OR2T11: variants seen among roughly 807,000 people sequenced by gnomAD.
OR2T11 encodes olfactory receptor family 2 subfamily T member 11.
In OR2T11, 14 loss-of-function variants were observed where a neutral mutation model predicts 13.5. The observed-to-expected ratio is 1.04, with a 90% confidence interval of 0.69 to 1.62. OR2T11 has a LOEUF of 1.62. Ranked by LOEUF, OR2T11 falls within the 40% of genes most tolerant of loss-of-function variation. OR2T11 has a pLI of 0.00. For missense variants in OR2T11, 410 were observed against 389.7 expected, an observed-to-expected ratio of 1.05 and a Z score of -0.44; for synonymous variants, 163 against 154.6, an observed-to-expected ratio of 1.05 and a Z score of -0.40.
In OR2T11 at chr1:248,626,615, T is replaced by G; in HGVS notation, c.514A>C (p.Asn172His). The G allele has an allele frequency of 6.4e-7, 1 of 1,573,208 alleles. No individual in the cohort carries two copies. Among genetic ancestry groups the G allele is most frequent in the Admixed American group, 1.7e-5 (1 of 58,400 alleles). ...GCTGGGATCTCACAGAAAAAATGGT[T>G]GATACTTCGGGAGCCACAGTAAGGG... ...NVPYCGSRSI[N>H]HFFCEIPAVL... The change falls in exon 2 of 2, where the codon AAC becomes CAC. Residue 172 changes from asparagine (N) to histidine (H), a missense_variant. Transcript: ENST00000641193.
At chr1:248,627,396 T>TA (rs1428922770) in intron 1 of OR2T11, 124 bp from the exon 2 acceptor site, 5 of 449,292 alleles carry the variant, frequency 1.1e-5, no homozygotes, top group Non-Finnish European at 2.0e-5. Flanking sequence ...GAGGTTATGG[T>TA]AACTGCGTGA....
In OR2T11 at chr1:248,626,023, C is replaced by CT; in HGVS notation, c.*154dup. On this transcript the variant is annotated 3_prime_UTR_variant, in exon 2 of 2. Transcript: ENST00000641193. ...AGATCTCTGCATAACAGTAAAACAT[C>CT]TTTCCCTTGCTCCCGAGGAGCAAGA... is the stretch of plus-strand genomic sequence containing the variant. 3 of 539,598 alleles carry CT rather than the reference C, an allele frequency of 5.6e-6. 1 individual carries two copies. The highest frequency in any genetic ancestry group is 9.9e-6 in the Non-Finnish European group (3 of 303,242). 33.4% of individuals were successfully genotyped at this position (539,598 alleles called of 1,614,324 possible). A position where few individuals can be genotyped will look rare whatever the true frequency, so the allele number is the denominator to read the frequency against.
At position 248,626,089 on chromosome 1, in the gene OR2T11, G is replaced by A. The variant is rs927688700; in HGVS notation, c.*89C>T. On this transcript the variant is annotated 3_prime_UTR_variant, in exon 2 of 2. Transcript: ENST00000641193. ...ATCATCTTAACTGCCAGTAGTAAGTGTAGGTTGATAGCTGAGCAGATCATC... is the reference window on the plus strand; with the variant it reads ...ATCATCTTAACTGCCAGTAGTAAGTATAGGTTGATAGCTGAGCAGATCATC... 1.8e-5 allele frequency: 13 copies of A among 730,076 alleles called. 3 individuals are homozygous for A. In the African/African-American group the frequency reaches 2.6e-4, roughly 14 times the overall value. 45.2% of individuals were successfully genotyped at this position (730,076 alleles called of 1,614,324 possible).
In OR2T11 at chr1:248,624,290, C is replaced by T. The variant is rs1295797980; in HGVS notation, c.*1888G>A. ...TTGGTATCACGTTTTTCTAGTTATA[C>T]TCCATTTCCTTTACAAAAAAATCTA... On this transcript the variant is annotated 3_prime_UTR_variant, in exon 2 of 2. Transcript: ENST00000641193. The T allele has an allele frequency of 7.0e-6, 1 of 143,092 alleles. No homozygotes were observed. The highest frequency in any genetic ancestry group is 2.8e-5 in the African/African-American group (1 of 36,282). The allele number at this position is 143,092 out of a possible 1,614,324, so 8.9% of individuals were successfully genotyped here.
chr1:248,630,929 AGAG>A (rs1257213350), intron 1 of OR2T11, among the ~76,000 whole-genome samples: 1 of 142,966 alleles, frequency 7.0e-6, no homozygotes, highest in African/African-American at 2.8e-5. Flanking sequence ...TACATGGGAG[AGAG>A]GAGGAAGGAG....
At chr1:248,633,519 A>C (rs1336628991) in intron 1 of OR2T11, among the ~76,000 whole-genome samples, 1 of 141,256 alleles carries the variant, frequency 7.1e-6, no homozygotes, top group Non-Finnish European at 1.5e-5. Context: ...GGCCAAAATT[A>C]TATTATCCTT....
Position 248,626,179 on chromosome 1 carries a change from TA to T in OR2T11, c.949del (p.Ter317ArgfsTer8). On this transcript the variant is annotated frameshift_variant and stop_lost, in exon 2 of 2. Transcript: ENST00000641193. LOFTEE classifies it high-confidence loss of function. ...SAQKVATSDA[*>X] ...CCTTATCCTCTGGGCAGTGACTCTC[TA>T]AGCATCACTTGTTGCTACTTTCTGA... 1 of 1,460,050 alleles carries T rather than the reference TA, an allele frequency of 6.8e-7. No individual in the cohort carries two copies. Among genetic ancestry groups the T allele is most frequent in the African/African-American group, 1.6e-5 (1 of 64,036 alleles). The allele number at this position is 1,460,050 out of a possible 1,614,324, so 90.4% of individuals were successfully genotyped here.
intron 1 of OR2T11, among the ~76,000 whole-genome samples, chr1:248,632,695 CTT>C (rs1467953648): frequency 7.7e-5 from 4 of 52,262 alleles, no homozygotes; most frequent in Admixed American, 2.6e-4. Context: ...ATCCCTCCCT[CTT>C]AATACATGTC....
chr1:248,626,498 TGATA>T lies in OR2T11; in HGVS notation c.627_630del (p.Ile210SerfsTer10), dbSNP rs1271086834. On this transcript the variant is annotated frameshift_variant, in exon 2 of 2. Coordinates refer to ENST00000641193, the MANE Select transcript of OR2T11 (RefSeq NM_001001964.2). LOFTEE classifies it high-confidence loss of function. ...AAGATGAGGGAGTAGGAAGTGGAGATGATAGAGATGGGGATGAGCAACATGAGGA... is the reference window on the plus strand; with the variant it reads ...AAGATGAGGGAGTAGGAAGTGGAGATGAGATGGGGATGAGCAACATGAGGA... The T allele has an allele frequency of 1.3e-6, 2 of 1,571,142 alleles. 1 individual carries two copies. Among genetic ancestry groups the T allele is most frequent in the African/African-American group, 3.0e-5 (2 of 66,514 alleles).
intron 1 of OR2T11, among the ~76,000 whole-genome samples, chr1:248,627,493 C>CA (rs1660542213): frequency 7.0e-6 from 1 of 142,706 alleles, no homozygotes; most frequent in Non-Finnish European, 1.5e-5. Context: ...GAAAGTTATC[C>CA]AGCCCATAGT....
Position 248,631,752 on chromosome 1 carries a change from T to TA in OR2T11, c.-145+3285dup, listed in dbSNP as rs370009286. On this transcript the variant is annotated intron_variant, in intron 1 of 1. Coordinates refer to ENST00000641193, the MANE Select transcript of OR2T11 (RefSeq NM_001001964.2). ...GTGTCTGGCTTTATACTGAGGTACA[T>TA]AAAAAAAATCTCATCAAATGTACCC... Among the ~76,000 whole-genome samples the TA allele has an allele frequency of 3.0e-4, 43 of 142,612 alleles. 6 individuals are homozygous for TA. Among genetic ancestry groups the TA allele is most frequent in the East Asian group, 8.1e-4 (4 of 4,958 alleles). 93.6% of individuals were successfully genotyped at this position (142,612 alleles called of 152,430 possible).
At chr1:248,629,221 A>T (rs1660569080) in intron 1 of OR2T11, among the ~76,000 whole-genome samples, 1 of 141,990 alleles carries the variant, frequency 7.0e-6, no homozygotes, top group South Asian at 2.2e-4. Flanking sequence ...AGCCTGGGTA[A>T]CAGAGCTCGT....
chr1:248,629,586 G>T (rs1217924081), intron 1 of OR2T11, among the ~76,000 whole-genome samples: 1 of 138,708 alleles, frequency 7.2e-6, no homozygotes, highest in African/African-American at 2.9e-5. Context: ...AACCATCAAA[G>T]TCACATCGGG....
At chr1:248,632,323 G>A (rs925483491) in intron 1 of OR2T11, among the ~76,000 whole-genome samples, 1 of 141,230 alleles carries the variant, frequency 7.1e-6, no homozygotes, top group Non-Finnish European at 1.5e-5. Flanking sequence ...TATTTTCCTA[G>A]GTACTGAAGA....
At position 248,626,174 on chromosome 1, in the gene OR2T11, CTCT is replaced by C; in HGVS notation, c.*1_*3del. ...GGAAGCCTTATCCTCTGGGCAGTGA[CTCT>C]CTAAGCATCACTTGTTGCTACTTTC... On this transcript the variant is annotated 3_prime_UTR_variant, in exon 2 of 2. Coordinates refer to ENST00000641193, the MANE Select transcript of OR2T11 (RefSeq NM_001001964.2). 7.0e-7 allele frequency: 1 copy of C among 1,429,412 alleles called. No individual in the cohort carries two copies. Among genetic ancestry groups the C allele is most frequent in the Non-Finnish European group, 9.7e-7 (1 of 1,029,346 alleles). The allele number at this position is 1,429,412 out of a possible 1,614,324, so 88.5% of individuals were successfully genotyped here.
chr1:248,634,575 G>A (rs1210527980), intron 1 of OR2T11, among the ~76,000 whole-genome samples: 3 of 140,540 alleles, frequency 2.1e-5, no homozygotes, highest in Admixed American at 7.0e-5. Context: ...TATCATTTGT[G>A]TGTGAATCAG....
chr1:248,626,074 C>T lies in OR2T11; in HGVS notation c.*104G>A. 1.5e-6 allele frequency: 1 copy of T among 655,608 alleles called. No individual in the cohort carries two copies. The highest frequency in any genetic ancestry group is 2.7e-5 in the East Asian group (1 of 37,048). The allele number at this position is 655,608 out of a possible 1,614,324, so 40.6% of individuals were successfully genotyped here. On this transcript the variant is annotated 3_prime_UTR_variant, in exon 2 of 2. Coordinates refer to ENST00000641193, the MANE Select transcript of OR2T11 (RefSeq NM_001001964.2). ...ATCCAGACAGGGTGAATCATCTTAA[C>T]TGCCAGTAGTAAGTGTAGGTTGATA...
rs1304986707 is a variant in OR2T11 at position 248,626,108 on chromosome 1, GATC to G, written c.*67_*69del. ...GTAAGTGTAGGTTGATAGCTGAGCA[GATC>G]ATCTCCAGGGAAACAGGGCAAATGG... On this transcript the variant is annotated 3_prime_UTR_variant, in exon 2 of 2. Transcript: ENST00000641193. The G allele has an allele frequency of 1.5e-5, 13 of 849,636 alleles. 1 individual carries two copies. Among genetic ancestry groups the G allele is most frequent in the Non-Finnish European group, 1.9e-5 (10 of 521,966 alleles). The allele number at this position is 849,636 out of a possible 1,614,324, so 52.6% of individuals were successfully genotyped here. A position where few individuals can be genotyped will look rare whatever the true frequency, so the allele number is the denominator to read the frequency against.
At position 248,629,478 on chromosome 1, in the gene OR2T11, G is replaced by A. The variant is rs76657904; in HGVS notation, c.-144-2206C>T. On this transcript the variant is annotated intron_variant, in intron 1 of 1. Transcript: ENST00000641193. ...CATGTCCATAGCTAGTAGGTGCCTGGCTTAATCCATCATGACACATTTTAC... is the reference window on the plus strand; with the variant it reads ...CATGTCCATAGCTAGTAGGTGCCTGACTTAATCCATCATGACACATTTTAC... 2.6e-3 allele frequency among the ~76,000 whole-genome samples: 363 copies of A among 141,074 alleles called. 30 individuals are homozygous for A. Among genetic ancestry groups the A allele is most frequent in the Middle Eastern group, 6.8e-3 (2 of 292 alleles). 92.6% of individuals were successfully genotyped at this position (141,074 alleles called of 152,430 possible). A position where few individuals can be genotyped will look rare whatever the true frequency, so the allele number is the denominator to read the frequency against.
Sources: allele counts gnomAD v4.1 joint callset (sites outside exome capture counted in the v4.1 genomes callset), GRCh38; gene constraint gnomAD v4.1.1; transcripts MANE v1.5; gene names NCBI Gene and HGNC (gene_info 2026-07-23, HGNC 2026-07-21).